The following CAST variants were observed in gnomAD, a reference collection of about 807,000 sequenced individuals.
The protein encoded by CAST is calpastatin, also known as MIR583 host.
Under a neutral mutation model 119.6 loss-of-function variants are expected in CAST, and 76 were observed. The ratio of observed to expected loss-of-function variants is 0.64; its 90% CI spans 0.53 to 0.77. The LOEUF (loss-of-function observed/expected upper bound fraction) is 0.77, where lower values mean the gene tolerates loss of function less well. Among genes scored for constraint, CAST ranks in the 30% least tolerant of loss-of-function variants. The pLI is 0.00. For missense variants in CAST, 953 were observed against 946.5 expected, an observed-to-expected ratio of 1.01 and a Z score of -0.09; for synonymous variants, 319 against 331.6, an observed-to-expected ratio of 0.96 and a Z score of 0.41.
chr5:96,681,936 C>T (rs752655394), intron 2 of CAST, among the ~76,000 whole-genome samples: 16 of 150,022 alleles, frequency 1.1e-4, no homozygotes, highest in Non-Finnish European at 1.8e-4. Context: ...TTTCAGTTAC[C>T]CACGGTACAA....
At chr5:96,322,410 T>C in the CAST span, among the ~76,000 whole-genome samples, 2 of 152,168 alleles carry the variant, frequency 1.3e-5, no homozygotes, top group Non-Finnish European at 2.9e-5. Flanking sequence ...CTGCCCATCA[T>C]CCCTCTCCAA....
chr5:96,285,797 T>C, the CAST span, among the ~76,000 whole-genome samples: 1 of 152,236 alleles, frequency 6.6e-6, no homozygotes, highest in East Asian at 1.9e-4. Context: ...GAAGATGGAA[T>C]CAAGCTATCT....
chr5:96,618,351 A>ACGTGCTAGCAGCC (rs1279622039), intron 1 of CAST, among the ~76,000 whole-genome samples: 2 of 152,078 alleles, frequency 1.3e-5, no homozygotes, highest in Non-Finnish European at 2.9e-5. Flanking sequence ...AGATGTGACA[A>ACGTGCTAGCAGCC]CGTGCTAGCA....
chr5:96,663,144 T>C, intron 1 of CAST: 1 of 702,620 alleles, frequency 1.4e-6, no homozygotes, highest in Non-Finnish European at 2.6e-6. Flanking sequence ...GCCATGGCAT[T>C]CGCCAGCTGG....
chr5:96,629,196 C>T (rs183197077), intron 1 of CAST, among the ~76,000 whole-genome samples: 2 of 152,298 alleles, frequency 1.3e-5, no homozygotes, highest in South Asian at 2.1e-4. Flanking sequence ...TGATATAAAG[C>T]GAGTCCAGCC....
chr5:96,097,509 G>A, the CAST span, among the ~76,000 whole-genome samples: 1 of 152,064 alleles, frequency 6.6e-6, no homozygotes, highest in African/African-American at 2.4e-5. Flanking sequence ...GAAGGCCACA[G>A]TGTGTTGTTC....
chr5:96,201,927 A>C, the CAST span, among the ~76,000 whole-genome samples: 3,735 of 151,750 alleles, frequency 0.025, 167 homozygotes, highest in African/African-American at 0.085. Context: ...ATCTTTTGAG[A>C]TATTTGTTTA....
chr5:96,443,716 G>A, the CAST span, among the ~76,000 whole-genome samples: 1 of 152,164 alleles, frequency 6.6e-6, no homozygotes, highest in African/African-American at 2.4e-5. Flanking sequence ...GGTCACACCA[G>A]GTGATTCTAT....
chr5:96,450,509 T>C, the CAST span, among the ~76,000 whole-genome samples: 10 of 152,164 alleles, frequency 6.6e-5, no homozygotes, highest in Admixed American at 2.0e-4. Flanking sequence ...ATTCGAGTGA[T>C]GGATATTCTA....
the CAST span, among the ~76,000 whole-genome samples, chr5:96,040,090 CCCTT>C: frequency 5.8e-4 from 88 of 152,268 alleles, 1 homozygote; most frequent in Non-Finnish European, 1.1e-3. Flanking sequence ...TCCTTCACAT[CCCTT>C]GTAAGTTGGA....
At chr5:95,966,426 A>G in the CAST span, among the ~76,000 whole-genome samples, 1 of 152,110 alleles carries the variant, frequency 6.6e-6, no homozygotes, top group Non-Finnish European at 1.5e-5. Flanking sequence ...TACTGAAAGG[A>G]CACTGGACTT....
chr5:96,068,786 C>T, the CAST span, among the ~76,000 whole-genome samples: 4 of 150,646 alleles, frequency 2.7e-5, no homozygotes, highest in Admixed American at 1.3e-4. Flanking sequence ...AATATATACA[C>T]ATGTGTGTAT....
At chr5:96,278,510 G>A in the CAST span, 1 of 152,180 alleles carries the variant, frequency 6.6e-6, no homozygotes, top group African/African-American at 2.4e-5. Context: ...GTTCATACAT[G>A]CAGCTGGAAT....
the CAST span, among the ~76,000 whole-genome samples, chr5:96,317,309 CA>C: frequency 4.1e-3 from 424 of 103,984 alleles, no homozygotes; most frequent in East Asian, 0.014. Context: ...ACCAAAAATA[CA>C]AAAAAAAAAA....
chr5:96,097,010 T>C, the CAST span, among the ~76,000 whole-genome samples: 1 of 152,222 alleles, frequency 6.6e-6, no homozygotes, highest in African/African-American at 2.4e-5. Context: ...TAATTTCCTT[T>C]GCACTGCCAC....
At chr5:95,976,443 C>A in the CAST span, among the ~76,000 whole-genome samples, 1 of 152,000 alleles carries the variant, frequency 6.6e-6, no homozygotes, top group South Asian at 2.1e-4. Context: ...AGAGGTTATT[C>A]CTGATTCATT....
chr5:96,694,658 A>C (rs1247396507), intron 2 of CAST, among the ~76,000 whole-genome samples: 3 of 152,144 alleles, frequency 2.0e-5, no homozygotes, highest in African/African-American at 7.2e-5. Context: ...AACAAACAAA[A>C]AAACTTTATG....
the CAST span, among the ~76,000 whole-genome samples, chr5:96,149,126 C>T: frequency 6.6e-6 from 1 of 152,226 alleles, no homozygotes; most frequent in Non-Finnish European, 1.5e-5. Context: ...ATGGAGTCTT[C>T]TCTCTGTCAT....
the CAST span, among the ~76,000 whole-genome samples, chr5:96,018,465 G>T: frequency 6.6e-6 from 1 of 152,078 alleles, no homozygotes; most frequent in Non-Finnish European, 1.5e-5. Flanking sequence ...TCTAAAAGGG[G>T]TTCCATTTAT....
Sources: gnomAD v4.1 joint callset for allele counts (sites outside exome capture counted in the v4.1 genomes callset) on GRCh38, gnomAD v4.1.1 for gene constraint, MANE v1.5 for transcripts, NCBI Gene and HGNC (gene_info 2026-07-23, HGNC 2026-07-21) for gene names.